Variants in VPS13A observed in about 807,000 individuals in gnomAD.
VPS13A encodes vacuolar protein sorting 13 homolog A.
VPS13A carries 264 observed loss-of-function variants against 390.9 expected under a neutral mutation model. The ratio of observed to expected loss-of-function variants is 0.68; its 90% CI spans 0.61 to 0.75. The LOEUF is 0.75. VPS13A is among the 30% of genes least tolerant of loss of function. The pLI, the probability that VPS13A is intolerant of heterozygous loss-of-function variation, is 0.00. For missense variants in VPS13A, 3,409 were observed against 3,733.9 expected, an observed-to-expected ratio of 0.91 and a Z score of 2.27; for synonymous variants, 1,231 against 1,227.1, an observed-to-expected ratio of 1.00 and a Z score of -0.07.
chr9:77,326,130 A>G (rs1169891604), intron 45 of VPS13A, among the ~76,000 whole-genome samples: 1 of 151,680 alleles, frequency 6.6e-6, no homozygotes, highest in Non-Finnish European at 1.5e-5. Flanking sequence ...TTTTTTTCCT[A>G]TATTTGCTTT....
intron 68 of VPS13A, among the ~76,000 whole-genome samples, chr9:77,397,460 A>G (rs2131638228): frequency 6.6e-6 from 1 of 152,232 alleles, no homozygotes; most frequent in East Asian, 1.9e-4. Flanking sequence ...TTTCCTATTA[A>G]TGATTAACAC....
chr9:77,341,194 G>A (rs577100778), intron 50 of VPS13A, among the ~76,000 whole-genome samples: 73 of 152,180 alleles, frequency 4.8e-4, no homozygotes, highest in African/African-American at 1.7e-3. Context: ...AATACCATCA[G>A]TGTCTCTAGA....
At chr9:77,382,909 G>A in intron 68 of VPS13A, 1 of 985,320 alleles carries the variant, frequency 1.0e-6, no homozygotes, top group Non-Finnish European at 1.2e-6. Context: ...GGATTATGCT[G>A]TAGGTAACTA....
chr9:77,384,706 C>T (rs775053368), intron 68 of VPS13A: 92 of 1,582,306 alleles, frequency 5.8e-5, no homozygotes, highest in Non-Finnish European at 7.2e-5. Flanking sequence ...CTTTATTTTA[C>T]TTGGAATGTT....
Position 77,297,255 on chromosome 9 carries a change from A to G in VPS13A, c.3812+1409A>G, listed in dbSNP as rs184026585. 7.2e-5 allele frequency among the ~76,000 whole-genome samples: 11 copies of G among 152,178 alleles called. No individual in the cohort carries two copies. The East Asian group carries it at 2.1e-3, about 29-fold the overall frequency. Reference sequence around the variant, plus strand: ...TATATGACGTGCTATAAATTGGAGTACTTTATAATATTGTGCTATGAATTT... The same window carrying G: ...TATATGACGTGCTATAAATTGGAGTGCTTTATAATATTGTGCTATGAATTT... On this transcript the variant is annotated intron_variant, in intron 33 of 71. Transcript: ENST00000360280.
At position 77,260,207 on chromosome 9, in the gene VPS13A, C is replaced by T. The variant is rs754311554; in HGVS notation, c.2410C>T (p.Pro804Ser). ...TGAACCAGTAACTGAAGTATCTGCC[C>T]CTGTCAAATCATTCCAGGTAATGTT... Reference protein sequence around the residue: ...KPEPVTEVSAPVKSFQIQTST... With the variant: ...KPEPVTEVSASVKSFQIQTST... Residue 804 changes from proline to serine, a missense_variant, in exon 23 of 72, where the codon CCT (proline) becomes TCT (serine). Coordinates refer to ENST00000360280, the MANE Select transcript of VPS13A (RefSeq NM_033305.3). 4.3e-6 allele frequency: 7 copies of T among 1,613,200 alleles called. No homozygotes were observed. Among genetic ancestry groups the T allele is most frequent in the East Asian group, 4.5e-5 (2 of 44,736 alleles).
At chr9:77,369,741 G>T (rs1832642991) in intron 63 of VPS13A, among the ~76,000 whole-genome samples, 1 of 152,062 alleles carries the variant, frequency 6.6e-6, no homozygotes, top group Non-Finnish European at 1.5e-5. Context: ...ACTGACACCT[G>T]GCCAAGCAAT....
intron 19 of VPS13A, among the ~76,000 whole-genome samples, chr9:77,246,506 TTGAG>T (rs1193407745): frequency 6.6e-6 from 1 of 152,108 alleles, no homozygotes; most frequent in East Asian, 1.9e-4. Context: ...GCCTTTTTGT[TTGAG>T]TGTCAGATCT....
At chr9:77,255,288 T>G (rs116155408) in intron 22 of VPS13A, among the ~76,000 whole-genome samples, 3,449 of 152,208 alleles carry the variant, frequency 0.023, 87 homozygotes, top group African/African-American at 0.064. Context: ...TTTTCCTTCA[T>G]TCTGTTAATG....
In VPS13A at chr9:77,280,164, A is replaced by G; in HGVS notation, c.2830A>G (p.Asn944Asp). The G allele has an allele frequency of 6.2e-7, 1 of 1,608,128 alleles. No individual in the cohort carries two copies. The highest frequency in any genetic ancestry group is 8.5e-7 in the Non-Finnish European group (1 of 1,176,858). ...TTTTAAAAAATTATTTTTAGATGAA[A>G]ACAAGAAACCAGTTTATTTGGTTAC... Reference protein sequence around the residue: ...CLKCPEYLDENKKPVYLVTTL... With the variant: ...CLKCPEYLDEDKKPVYLVTTL... The change falls in exon 27 of 72, where the codon AAC becomes GAC. Residue 944 changes from asparagine to aspartate, a missense_variant. Transcript: ENST00000360280.
At chr9:77,334,552 G>A (rs1000192062) in intron 46 of VPS13A, among the ~76,000 whole-genome samples, 1 of 152,122 alleles carries the variant, frequency 6.6e-6, no homozygotes, top group African/African-American at 2.4e-5. Flanking sequence ...TCTAGAAAGA[G>A]CCAACCACTC....
In VPS13A at chr9:77,205,354, C is replaced by A; in HGVS notation, c.229C>A (p.Gln77Lys). The change falls in exon 4 of 72, where the codon CAA (glutamine) becomes AAA (lysine). Residue 77 changes from glutamine to lysine, a missense_variant. Physicochemically the swap from Gln to Lys is moderately conservative, Grantham distance 53. This residue lies in a region of VPS13A where 2,717 missense variants were observed against 2,917.4 expected (regional missense o/e 0.93). Transcript: ENST00000360280. The part of the protein sequence containing the change: ...LIIPWKNLYT[Q>K]PVEAVLEEIY... ...AATTCCATGGAAAAACCTTTATACT[C>A]AACCTGTTGAAGCCGTATTGGAAGA... is the stretch of plus-strand genomic sequence containing the variant. 1 of 1,509,480 alleles carries A rather than the reference C, an allele frequency of 6.6e-7. No individual in the cohort carries two copies. Among genetic ancestry groups the A allele is most frequent in the Non-Finnish European group, 8.9e-7 (1 of 1,123,904 alleles). 93.5% of individuals were successfully genotyped at this position (1,509,480 alleles called of 1,614,324 possible).
intron 71 of VPS13A, among the ~76,000 whole-genome samples, chr9:77,408,277 TAC>T (rs1242228000): frequency 6.6e-6 from 1 of 152,096 alleles, no homozygotes; most frequent in African/African-American, 2.4e-5. Context: ...TGTTGAGTTG[TAC>T]TCATTATATC....
intron 10 of VPS13A, among the ~76,000 whole-genome samples, chr9:77,215,760 G>A (rs1235209920): frequency 2.6e-5 from 4 of 152,226 alleles, no homozygotes; most frequent in African/African-American, 9.6e-5. Context: ...ACATAGCGTG[G>A]CTTATTGAAT....
Position 77,371,146 on chromosome 9 carries a change from A to G in VPS13A, c.9074A>G (p.Lys3025Arg). The G allele has an allele frequency of 6.2e-7, 1 of 1,614,000 alleles. No homozygotes were observed. The highest frequency in any genetic ancestry group is 8.5e-7 in the Non-Finnish European group (1 of 1,179,936). Residue 3025 changes from lysine (K) to arginine (R), a missense_variant, in exon 67 of 72, where the codon AAA (lysine) becomes AGA (arginine). Lys to Arg is a conservative substitution (Grantham distance 26). Around this residue, in one of 5 missense-constraint regions of VPS13A, gnomAD observed 318 missense variants for 333.7 expected, o/e 0.95. Coordinates refer to ENST00000360280, the MANE Select transcript of VPS13A (RefSeq NM_033305.3). ...DMASSTFQGIKRATETSEVES... is the reference protein window; with the variant it reads ...DMASSTFQGIRRATETSEVES... ...GCTAGCAGTACATTTCAGGGAATAA[A>G]AAGGTAAATCCTCTTTGGTGTAAGA...
intron 23 of VPS13A, 39 bp from the exon 24 acceptor site, chr9:77,273,241 A>G (rs1016111742): frequency 1.4e-5 from 21 of 1,502,860 alleles, no homozygotes; most frequent in Non-Finnish European, 1.6e-5. Context: ...GTGAATAAAC[A>G]TTTTTGTGCT....
In VPS13A at chr9:77,295,644, A is replaced by C; in HGVS notation, c.3610A>C (p.Ser1204Arg). 1.2e-6 allele frequency: 2 copies of C among 1,614,068 alleles called. No individual in the cohort carries two copies. The highest frequency in any genetic ancestry group is 1.7e-6 in the Non-Finnish European group (2 of 1,179,960). The stretch of plus-strand genomic sequence containing the variant: ...TGGTGTAAAAGAACTCGCACAAAGG[A>C]GTTCCAGAATGGCACTGGATATTAA... ...ATGVKELAQR[S>R]SRMALDINIK... The change falls in exon 33 of 72, where the codon AGT becomes CGT. Residue 1204 changes from serine to arginine, a missense_variant. Coordinates refer to ENST00000360280, the MANE Select transcript of VPS13A (RefSeq NM_033305.3).
At chr9:77,311,037 GC>G (rs1236942323) in intron 35 of VPS13A, among the ~76,000 whole-genome samples, 1 of 151,722 alleles carries the variant, frequency 6.6e-6, no homozygotes, top group African/African-American at 2.4e-5. Context: ...CCATTCTCCT[GC>G]CTCAGCCTCC....
At position 77,201,414 on chromosome 9, in the gene VPS13A, C is replaced by T. The variant is rs1435605900; in HGVS notation, c.187+7C>T. ...GTTAAAGTTGGTCACATAGGTAAGC[C>T]ATATTCATTATTGGGATATCCTCCT... On this transcript the variant is annotated splice_region_variant and intron_variant, in intron 3 of 71. Coordinates refer to ENST00000360280, the MANE Select transcript of VPS13A (RefSeq NM_033305.3). The T allele has an allele frequency of 6.2e-7, 1 of 1,608,750 alleles. No homozygotes were observed. The highest frequency in any genetic ancestry group is 8.5e-7 in the Non-Finnish European group (1 of 1,175,620).
Sources: gnomAD v4.1 joint callset for allele counts (sites outside exome capture counted in the v4.1 genomes callset) on GRCh38, gnomAD v4.1.1 for gene constraint, gnomAD v4.1.1 regional missense constraint, MANE v1.5 for transcripts, NCBI Gene and HGNC (gene_info 2026-07-23, HGNC 2026-07-21) for gene names.